Variants in MTA3 observed in about 807,000 individuals in gnomAD.
MTA3 encodes the protein metastasis-associated protein MTA3.
A neutral mutation model predicts 83.5 loss-of-function variants in MTA3; 34 were observed. The observed-to-expected ratio is 0.41, with a 90% CI of 0.31 to 0.54. The LOEUF (loss-of-function observed/expected upper bound fraction) is 0.54, where lower values mean the gene tolerates loss of function less well. Ranked by LOEUF, MTA3 falls within the 20% of genes least tolerant of loss-of-function variation. The pLI is 0.33. For missense variants in MTA3, 761 were observed against 726.4 expected (o/e 1.05, Z -0.55); for synonymous variants, 303 against 252.7 (o/e 1.20, Z -1.89).
intron 2 of MTA3, among the ~76,000 whole-genome samples, chr2:42,525,831 G>C (rs1675683427): frequency 6.6e-6 from 1 of 151,356 alleles, no homozygotes; most frequent in African/African-American, 2.4e-5. Flanking sequence ...CTAATTTTTT[G>C]TATTTTTCGG....
chr2:42,663,912 A>T (rs1407049675), intron 8 of MTA3, among the ~76,000 whole-genome samples: 1 of 152,072 alleles, frequency 6.6e-6, no homozygotes, highest in Non-Finnish European at 1.5e-5. Flanking sequence ...TATCACATAT[A>T]TTCTTTCTAG....
At chr2:42,511,409 T>C (rs1009530550) in intron 2 of MTA3, among the ~76,000 whole-genome samples, 6 of 151,752 alleles carry the variant, frequency 4.0e-5, no homozygotes, top group Non-Finnish European at 8.8e-5. Context: ...ATACATGTTC[T>C]CACAGGTTGC....
Position 42,753,690 on chromosome 2 carries a change from C to T in MTA3, c.*291C>T, listed in dbSNP as rs1021638448. On this transcript the variant is annotated 3_prime_UTR_variant, in exon 17 of 17. Transcript: ENST00000405094. ...CTGAGGGAACCCCTCCACCTCCTCCCTTCTGCAGCGCCCTGCGCCCCACCC... is the reference window on the plus strand; with the variant it reads ...CTGAGGGAACCCCTCCACCTCCTCCTTTCTGCAGCGCCCTGCGCCCCACCC... 2.4e-6 allele frequency: 3 copies of T among 1,264,784 alleles called. No individual in the cohort carries two copies. Among genetic ancestry groups the T allele is most frequent in the African/African-American group, 3.1e-5 (2 of 65,352 alleles). 78.3% of individuals were successfully genotyped at this position (1,264,784 alleles called of 1,614,324 possible). A position where few individuals can be genotyped will look rare whatever the true frequency, so the allele number is the denominator to read the frequency against.
intron 6 of MTA3, among the ~76,000 whole-genome samples, chr2:42,651,235 C>G (rs932559632): frequency 5.9e-5 from 9 of 152,178 alleles, no homozygotes; most frequent in African/African-American, 2.2e-4. Flanking sequence ...CTGGAAGTTG[C>G]TTTGGGTGAG....
chr2:42,577,105 A>AAAAAAAAAAAATATATATATATATAT (rs1211189566), intron 2 of MTA3, among the ~76,000 whole-genome samples: 1 of 86,952 alleles, frequency 1.2e-5, no homozygotes, highest in African/African-American at 5.5e-5. Flanking sequence ...AAAAAAAAAA[A>AAAAAAAAAAAATATATATATATATAT]ATATATATAT....
At chr2:42,559,041 C>G (rs948487553) in intron 2 of MTA3, among the ~76,000 whole-genome samples, 7 of 152,172 alleles carry the variant, frequency 4.6e-5, no homozygotes, top group African/African-American at 1.7e-4. Context: ...CACTCCCTCT[C>G]CTGGCAGGTA....
At position 42,549,355 on chromosome 2, in the gene MTA3, ATATATACG is replaced by A. The variant is rs1225238678; in HGVS notation, c.-140-21067_-140-21060del. ...CGTATACGTATACATTATATATTACATATATACGTATATACGTATATAAAATATATGTA... is the reference window on the plus strand; with the variant it reads ...CGTATACGTATACATTATATATTACATATATACGTATATAAAATATATGTA... On this transcript the variant is annotated intron_variant, in intron 2 of 17. Transcript: ENST00000405592. 1.2e-3 allele frequency among the ~76,000 whole-genome samples: 144 copies of A among 120,006 alleles called. 2 individuals carry two copies. The highest frequency in any genetic ancestry group is 4.4e-3 in the African/African-American group (137 of 31,090). 78.7% of individuals were successfully genotyped at this position (120,006 alleles called of 152,430 possible).
chr2:42,530,007 G>A (rs1470381791), intron 2 of MTA3, among the ~76,000 whole-genome samples: 1 of 151,760 alleles, frequency 6.6e-6, no homozygotes, highest in African/African-American at 2.4e-5. Flanking sequence ...CCAACATGGT[G>A]AAACCAGTCT....
intron 11 of MTA3, among the ~76,000 whole-genome samples, chr2:42,700,332 C>A (rs961716099): frequency 1.3e-5 from 2 of 152,220 alleles, no homozygotes; most frequent in African/African-American, 4.8e-5. Context: ...CAGATTGTCA[C>A]AATGACATCA....
chr2:42,528,108 G>A (rs1370278491), intron 2 of MTA3, among the ~76,000 whole-genome samples: 1 of 151,756 alleles, frequency 6.6e-6, no homozygotes. Context: ...TGTATTTTTA[G>A]TAGAGACAGG....
chr2:42,540,599 C>T (rs1676474944), intron 2 of MTA3, among the ~76,000 whole-genome samples: 1 of 151,942 alleles, frequency 6.6e-6, no homozygotes, highest in South Asian at 2.1e-4. Context: ...CTTTGGAAGG[C>T]CGAGGCAGGA....
intron 2 of MTA3, among the ~76,000 whole-genome samples, chr2:42,545,565 G>C (rs1226497380): frequency 6.6e-6 from 1 of 152,088 alleles, no homozygotes; most frequent in African/African-American, 2.4e-5. Context: ...GAGTGTTTCG[G>C]GGGTGGGACA....
At chr2:42,743,858 C>T (rs902191362) in intron 16 of MTA3, among the ~76,000 whole-genome samples, 1 of 152,096 alleles carries the variant, frequency 6.6e-6, no homozygotes, top group Non-Finnish European at 1.5e-5. Context: ...AATAGACTGC[C>T]AGGGACAGCT....
chr2:42,734,705 G>T (rs964511279), intron 16 of MTA3, among the ~76,000 whole-genome samples: 1 of 150,848 alleles, frequency 6.6e-6, no homozygotes, highest in African/African-American at 2.4e-5. Flanking sequence ...TTTATTTTTT[G>T]TGTATCTGTT....
chr2:42,682,125 T>C (rs1691988424), intron 8 of MTA3, among the ~76,000 whole-genome samples: 1 of 152,034 alleles, frequency 6.6e-6, no homozygotes, highest in Admixed American at 6.6e-5. Flanking sequence ...GGAGGATTGC[T>C]TGAGCCCAGA....
At chr2:42,515,841 A>AT (rs35541351) in intron 2 of MTA3, among the ~76,000 whole-genome samples, 9,548 of 132,548 alleles carry the variant, frequency 0.072, 425 homozygotes, top group African/African-American at 0.12. Flanking sequence ...TATTTTATGT[A>AT]TTTTTTTTTT....
At chr2:42,636,600 T>TAATTTAA (rs1687219434) in intron 4 of MTA3, among the ~76,000 whole-genome samples, 1 of 150,530 alleles carries the variant, frequency 6.6e-6, no homozygotes, top group Non-Finnish European at 1.5e-5. Context: ...AAATGATCAC[T>TAATTTAA]AATTTAAACT....
Position 42,553,888 on chromosome 2 carries a change from G to A in MTA3, c.-140-16549G>A, listed in dbSNP as rs13414304. Among the ~76,000 whole-genome samples, 586 of 123,580 alleles carry A rather than the reference G, an allele frequency of 4.7e-3. 2 individuals carry two copies. The highest frequency in any genetic ancestry group is 6.3e-3 in the African/African-American group (209 of 33,070). The allele number at this position is 123,580 out of a possible 152,430, so 81.1% of individuals were successfully genotyped here. ...TCCATCTCAAAAAAAAAAAAAAAAA[G>A]AAAAAAAAACGAAAGAAAGAAAGAA... On this transcript the variant is annotated intron_variant, in intron 2 of 17. Coordinates refer to the MTA3 transcript ENST00000405592.
intron 4 of MTA3, among the ~76,000 whole-genome samples, chr2:42,632,949 C>T (rs980669902): frequency 4.6e-5 from 7 of 151,028 alleles, no homozygotes; most frequent in Non-Finnish European, 8.8e-5. Context: ...AGATTTAATT[C>T]TCTTTGTACT....
Sources: allele counts gnomAD v4.1 joint callset (sites outside exome capture counted in the v4.1 genomes callset), GRCh38; gene constraint gnomAD v4.1.1; transcripts MANE v1.5; gene names NCBI Gene and HGNC (gene_info 2026-07-23, HGNC 2026-07-21).